ARHGEF18: variants seen among roughly 807,000 people sequenced by gnomAD.
ARHGEF18 encodes Rho/Rac guanine nucleotide exchange factor 18, also known as rho guanine nucleotide exchange factor 18.
ARHGEF18 carries 93 observed loss-of-function variants against 155.7 expected under a neutral mutation model. The ratio of observed to expected loss-of-function variants is 0.60; its 90% CI spans 0.50 to 0.71. ARHGEF18 has a LOEUF of 0.71. Among genes scored for constraint, ARHGEF18 ranks in the 30% least tolerant of loss-of-function variants. The pLI, the probability that ARHGEF18 is intolerant of heterozygous loss-of-function variation, is 0.00. For synonymous variants in ARHGEF18, 742 were observed against 753.1 expected, an observed-to-expected ratio of 0.99 and a Z score of 0.24; for missense variants, 1,593 against 1,816.1, an observed-to-expected ratio of 0.88 and a Z score of 2.23.
chr19:7,452,375 A>T (rs1442858239), intron 16 of ARHGEF18, among the ~76,000 whole-genome samples: 1 of 152,220 alleles, frequency 6.6e-6, no homozygotes, highest in Non-Finnish European at 1.5e-5. Context: ...AGGATGAACA[A>T]ATTTCCCCAC....
chr19:7,447,043 T>C lies in ARHGEF18; in HGVS notation c.1612T>C (p.Phe538Leu). The C allele has an allele frequency of 6.2e-7, 1 of 1,612,442 alleles. No individual in the cohort carries two copies. Among genetic ancestry groups the C allele is most frequent in the Non-Finnish European group, 8.5e-7 (1 of 1,179,580 alleles). Residue 538 changes from phenylalanine (F) to leucine (L), a missense_variant and splice_region_variant, in exon 15 of 29, where the codon TTT becomes CTT. Coordinates refer to ENST00000668164, the MANE Select transcript of ARHGEF18 (RefSeq NM_001367823.1). ...ACATTTCCATCCTTTTGTTTATCAGTTTTCAGGTGAAAATGGGGAGAGAAT... is the reference window on the plus strand; with the variant it reads ...ACATTTCCATCCTTTTGTTTATCAGCTTTCAGGTGAAAATGGGGAGAGAAT... Reference protein sequence around the residue: ...QKIGDLLVQQFSGENGERMKE... With the variant: ...QKIGDLLVQQLSGENGERMKE...
At position 7,472,390 on chromosome 19, in the gene ARHGEF18, A is replaced by G. The variant is rs1305583187; in HGVS notation, c.*2092A>G. On this transcript the variant is annotated 3_prime_UTR_variant, in exon 29 of 29. Coordinates refer to ENST00000668164, the MANE Select transcript of ARHGEF18 (RefSeq NM_001367823.1). ...TTAGTCACCTGCTAATTATTTTTAC[A>G]ATGATTACAACATTTCCTCACTGCG... The G allele has an allele frequency of 2.0e-5, 3 of 153,590 alleles. No individual in the cohort carries two copies. Among genetic ancestry groups the G allele is most frequent in the Admixed American group, 6.4e-5 (1 of 15,508 alleles). The allele number at this position is 153,590 out of a possible 1,614,324, so 9.5% of individuals were successfully genotyped here. A position where few individuals can be genotyped will look rare whatever the true frequency, so the allele number is the denominator to read the frequency against.
At chr19:7,412,548 C>G (rs922574837) in intron 10 of ARHGEF18, among the ~76,000 whole-genome samples, 2 of 151,842 alleles carry the variant, frequency 1.3e-5, no homozygotes, top group African/African-American at 4.8e-5. Flanking sequence ...TCCAGACCAG[C>G]CTGGCCAACA....
chr19:7,385,823 ATCTCTC>A (rs1288367668), intron 10 of ARHGEF18, among the ~76,000 whole-genome samples: 1 of 73,782 alleles, frequency 1.4e-5, no homozygotes, highest in Admixed American at 1.4e-4. Flanking sequence ...GATAGGATCT[ATCTCTC>A]TCTATCTCTC....
intron 1 of ARHGEF18, among the ~76,000 whole-genome samples, chr19:7,358,125 C>A (rs1276888972): frequency 6.6e-6 from 1 of 152,024 alleles, no homozygotes; most frequent in Non-Finnish European, 1.5e-5. Context: ...ATCCAGCCAA[C>A]CAGCCAATCA....
chr19:7,413,441 A>T (rs1189410925), intron 10 of ARHGEF18, among the ~76,000 whole-genome samples: 1 of 151,816 alleles, frequency 6.6e-6, no homozygotes, highest in East Asian at 1.9e-4. Context: ...AGCTGGGACT[A>T]CAGGCGCCCG....
chr19:7,414,499 A>AC (rs1187258903), intron 10 of ARHGEF18, among the ~76,000 whole-genome samples: 1 of 151,910 alleles, frequency 6.6e-6, no homozygotes, highest in Non-Finnish European at 1.5e-5. Context: ...AACATGGTGA[A>AC]CCCCATCTCT....
chr19:7,352,433 T>G (rs1969180967), intron 1 of ARHGEF18, among the ~76,000 whole-genome samples: 1 of 151,898 alleles, frequency 6.6e-6, no homozygotes, highest in Admixed American at 6.6e-5. Flanking sequence ...AGGCTTTTTC[T>G]GGTCTGCCTC....
At chr19:7,418,409 C>T (rs565194345) in intron 10 of ARHGEF18, among the ~76,000 whole-genome samples, 5 of 152,086 alleles carry the variant, frequency 3.3e-5, no homozygotes, top group Non-Finnish European at 7.4e-5. Context: ...CAGGCGTGCA[C>T]CATGCTTGAC....
At chr19:7,417,557 A>G (rs1192832936) in intron 10 of ARHGEF18, among the ~76,000 whole-genome samples, 2 of 152,104 alleles carry the variant, frequency 1.3e-5, no homozygotes, top group Non-Finnish European at 2.9e-5. Flanking sequence ...AATCAGCCAG[A>G]CGAGTGGCGC....
intron 20 of ARHGEF18, among the ~76,000 whole-genome samples, chr19:7,460,970 G>C (rs1451341609): frequency 6.6e-6 from 1 of 151,894 alleles, no homozygotes; most frequent in African/African-American, 2.4e-5. Context: ...TGTGTTTTTA[G>C]TAGAGATGGG....
At chr19:7,414,365 T>C (rs1972872911) in intron 10 of ARHGEF18, among the ~76,000 whole-genome samples, 1 of 152,148 alleles carries the variant, frequency 6.6e-6, no homozygotes, top group Non-Finnish European at 1.5e-5. Flanking sequence ...TGATCGTTTT[T>C]TTAAAAAGTC....
intron 8 of ARHGEF18, among the ~76,000 whole-genome samples, chr19:7,382,223 A>G (rs8109284): frequency 0.43 from 65,446 of 151,580 alleles, 16,635 homozygotes; most frequent in African/African-American, 0.72. Flanking sequence ...GTGAAACCCC[A>G]CCTCTACTAA....
At chr19:7,363,013 G>C in intron 2 of ARHGEF18, 108 bp downstream of exon 2, 8 of 1,188,638 alleles carry the variant, frequency 6.7e-6, no homozygotes, top group Non-Finnish European at 8.5e-6. Flanking sequence ...CATTATCTCA[G>C]GGAATCCTCA....
At chr19:7,435,902 T>G (rs1156619387) in intron 10 of ARHGEF18, among the ~76,000 whole-genome samples, 2 of 151,210 alleles carry the variant, frequency 1.3e-5, no homozygotes, top group African/African-American at 2.4e-5. Flanking sequence ...GGGGCAGTCA[T>G]AGCTCACCAC....
rs1462946569 is a variant in ARHGEF18 at position 7,395,123 on chromosome 19, T to C, written c.967+11920T>C. On this transcript the variant is annotated intron_variant, in intron 10 of 28. Coordinates refer to ENST00000668164, the MANE Select transcript of ARHGEF18 (RefSeq NM_001367823.1). This position sits in a 1 kb window ranked among gnomAD's most constrained non-coding sequence, Gnocchi z 5.0. ...GCATGCGCTGCTCTCCTCGCGCGGC[T>C]TCCCGCTTCCGGCTCCCAGCTGCTA... The C allele has an allele frequency of 1.0e-6, 1 of 985,364 alleles. No homozygotes were observed. Among genetic ancestry groups the C allele is most frequent in the Admixed American group, 6.1e-5 (1 of 16,268 alleles). The allele number at this position is 985,364 out of a possible 1,614,324, so 61.0% of individuals were successfully genotyped here.
intron 10 of ARHGEF18, among the ~76,000 whole-genome samples, chr19:7,420,119 GCTCT>G (rs1481221399): frequency 6.6e-6 from 1 of 152,278 alleles, no homozygotes; most frequent in East Asian, 1.9e-4. Flanking sequence ...AAAAAGGCCA[GCTCT>G]CTCTATATAT....
intron 10 of ARHGEF18, among the ~76,000 whole-genome samples, chr19:7,421,943 C>A (rs919361281): frequency 6.6e-6 from 1 of 152,086 alleles, no homozygotes; most frequent in African/African-American, 2.4e-5. Flanking sequence ...CCAGGTCCCA[C>A]CTCGGTGGCC....
intron 2 of ARHGEF18, among the ~76,000 whole-genome samples, chr19:7,367,477 T>C (rs1357349172): frequency 6.6e-6 from 1 of 151,920 alleles, no homozygotes; most frequent in Non-Finnish European, 1.5e-5. Context: ...CCGGGCGTGG[T>C]GACTCACGCC....
Sources: gnomAD v4.1 joint callset for allele counts (sites outside exome capture counted in the v4.1 genomes callset) on GRCh38, gnomAD v4.1.1 for gene constraint, Gnocchi (gnomAD v3.1) non-coding constraint, MANE v1.5 for transcripts, NCBI Gene and HGNC (gene_info 2026-07-23, HGNC 2026-07-21) for gene names.